The following CACNA2D3 variants were observed in gnomAD, a reference collection of about 807,000 sequenced individuals.
CACNA2D3 encodes the protein voltage-dependent calcium channel subunit alpha-2/delta-3.
A neutral mutation model predicts 160.6 loss-of-function variants in CACNA2D3; 60 were observed. That is an observed-to-expected ratio of 0.37 (90% CI 0.30 to 0.46). The LOEUF is 0.46. Ranked by LOEUF, CACNA2D3 falls within the 20% of genes least tolerant of loss-of-function variation. CACNA2D3 has a pLI of 1.00. For missense variants in CACNA2D3, 1,205 were observed against 1,365.0 expected (o/e 0.88, Z 1.85); for synonymous variants, 558 against 492.9 (o/e 1.13, Z -1.75).
intron 11 of CACNA2D3, among the ~76,000 whole-genome samples, chr3:54,663,870 T>G (rs540765042): frequency 1.6e-4 from 25 of 152,332 alleles, no homozygotes; most frequent in Admixed American, 1.1e-3. Flanking sequence ...CTCTCCTGCC[T>G]GTGTTTTCCC....
chr3:54,856,125 G>C (rs1392539310), intron 17 of CACNA2D3, among the ~76,000 whole-genome samples: 1 of 152,194 alleles, frequency 6.6e-6, no homozygotes, highest in Non-Finnish European at 1.5e-5. Context: ...TGTATATCCA[G>C]GGCCTGGTGA....
intron 5 of CACNA2D3, among the ~76,000 whole-genome samples, chr3:54,525,016 C>A (rs1364573141): frequency 6.6e-6 from 1 of 151,948 alleles, no homozygotes; most frequent in African/African-American, 2.4e-5. Flanking sequence ...GTTAGCATAG[C>A]ATATATTCAT....
intron 5 of CACNA2D3, among the ~76,000 whole-genome samples, chr3:54,544,223 A>G (rs1408661814): frequency 6.6e-6 from 1 of 152,196 alleles, no homozygotes; most frequent in Admixed American, 6.5e-5. Flanking sequence ...TGAATATTGA[A>G]TAACTTAATA....
intron 17 of CACNA2D3, among the ~76,000 whole-genome samples, chr3:54,865,914 A>G (rs996097973): frequency 2.0e-5 from 3 of 152,140 alleles, no homozygotes; most frequent in African/African-American, 7.2e-5. Context: ...TCTTACGGAT[A>G]AGGAAAATGA....
At chr3:55,067,255 G>A (rs1387190749) in intron 35 of CACNA2D3, among the ~76,000 whole-genome samples, 1 of 152,082 alleles carries the variant, frequency 6.6e-6, no homozygotes, top group South Asian at 2.1e-4. Flanking sequence ...TGATCACTCT[G>A]GGTCTGTCCT....
intron 11 of CACNA2D3, among the ~76,000 whole-genome samples, chr3:54,688,180 C>T (rs958093283): frequency 6.6e-6 from 1 of 152,072 alleles, no homozygotes; most frequent in Admixed American, 6.5e-5. Flanking sequence ...ACTCTTTGTC[C>T]CCAAGAGCAT....
chr3:54,901,024 T>C (rs1020016071), intron 27 of CACNA2D3: 5 of 152,244 alleles, frequency 3.3e-5, no homozygotes, highest in African/African-American at 1.2e-4. Flanking sequence ...CCAGGAGATA[T>C]GGGCTCTGAG....
intron 9 of CACNA2D3, among the ~76,000 whole-genome samples, chr3:54,626,961 G>A (rs964433877): frequency 3.3e-5 from 5 of 152,202 alleles, no homozygotes; most frequent in Non-Finnish European, 5.9e-5. Context: ...AGCTTCTGCA[G>A]AGCCAGAAGG....
intron 3 of CACNA2D3, among the ~76,000 whole-genome samples, chr3:54,357,263 T>C (rs1401395686): frequency 6.6e-6 from 1 of 152,228 alleles, no homozygotes; most frequent in East Asian, 1.9e-4. Flanking sequence ...ATTAGCTCTG[T>C]ACAAACTTAG....
rs142593368 is a variant in CACNA2D3, at chr3:54,628,571, G to A, written c.1053+695G>A. 3.0e-4 allele frequency among the ~76,000 whole-genome samples: 45 copies of A among 152,192 alleles called. No individual in the cohort carries two copies. The East Asian group carries it at 7.7e-3, about 26-fold the overall frequency. ...TTTAGAAGCAACCCTAGGAGGGCAAGGACAATAACAGGGAGGCCATTAAGT... is the reference window on the plus strand; with the variant it reads ...TTTAGAAGCAACCCTAGGAGGGCAAAGACAATAACAGGGAGGCCATTAAGT... On this transcript the variant is annotated intron_variant, in intron 10 of 37. Coordinates refer to ENST00000474759, the MANE Select transcript of CACNA2D3 (RefSeq NM_018398.3).
At position 54,859,771 on chromosome 3, in the gene CACNA2D3, G is replaced by C. The variant is rs939957883; in HGVS notation, c.1627-11768G>C. Among the ~76,000 whole-genome samples, 6 of 152,058 alleles carry C rather than the reference G, an allele frequency of 3.9e-5. No individual in the cohort carries two copies. The East Asian group carries it at 1.2e-3, about 29-fold the overall frequency. On this transcript the variant is annotated intron_variant, in intron 17 of 37. Transcript: ENST00000474759. The stretch of plus-strand genomic sequence containing the variant: ...AGGTCTTAAATTCCATGCTTTTGAT[G>C]CCTGTCTCTTCCTGGAAGGGCAAGG...
chr3:54,766,159 G>A (rs1037868590), intron 13 of CACNA2D3, among the ~76,000 whole-genome samples: 6 of 152,034 alleles, frequency 3.9e-5, no homozygotes, highest in African/African-American at 1.4e-4. Context: ...ACTTTTGTAA[G>A]CCAAAAACAC....
chr3:54,784,192 G>A (rs866718428), intron 13 of CACNA2D3, among the ~76,000 whole-genome samples: 1 of 152,208 alleles, frequency 6.6e-6, no homozygotes, highest in Non-Finnish European at 1.5e-5. Context: ...ACAAGCCAAG[G>A]TGTCCGGAAG....
intron 11 of CACNA2D3, among the ~76,000 whole-genome samples, chr3:54,658,976 C>G (rs540629256): frequency 6.6e-6 from 1 of 152,150 alleles, no homozygotes; most frequent in Non-Finnish European, 1.5e-5. Flanking sequence ...TGTTCCCTCT[C>G]TCTGGGGCAC....
chr3:54,875,879 CTG>C (rs1699647118), intron 18 of CACNA2D3, among the ~76,000 whole-genome samples: 2 of 152,170 alleles, frequency 1.3e-5, no homozygotes, highest in Non-Finnish European at 2.9e-5. Context: ...ATTGAGTACA[CTG>C]TGGTACAAGC....
At chr3:54,537,093 CAGAGAG>C (rs35469509) in intron 5 of CACNA2D3, among the ~76,000 whole-genome samples, 163 of 148,448 alleles carry the variant, frequency 1.1e-3, no homozygotes, top group South Asian at 6.1e-3. Context: ...GAAACCAAGG[CAGAGAG>C]AGAGAGAGAG....
At position 54,478,660 on chromosome 3, in the gene CACNA2D3, G is replaced by GTGTATATATATATATATTGCTATA; in HGVS notation, c.382-24831_382-24830insGTATATATATATATATTGCTATAT. On this transcript the variant is annotated intron_variant, in intron 4 of 37. Transcript: ENST00000474759. ...AAAATATATATATAAATATGTGTGTGTATATATATATATATATATTGCTTG... is the reference window on the plus strand; with the variant it reads ...AAAATATATATATAAATATGTGTGTGTGTATATATATATATATTGCTATATATATATATATATATATATTGCTTG... Among the ~76,000 whole-genome samples the GTGTATATATATATATATTGCTATA allele has an allele frequency of 7.4e-4, 27 of 36,378 alleles. 2 individuals carry two copies. The highest frequency in any genetic ancestry group is 7.0e-3 in the East Asian group (6 of 856). The allele number at this position is 36,378 out of a possible 152,430, so 23.9% of individuals were successfully genotyped here. A position where few individuals can be genotyped will look rare whatever the true frequency, so the allele number is the denominator to read the frequency against.
intron 27 of CACNA2D3, chr3:54,918,877 C>T: frequency 6.5e-7 from 1 of 1,545,080 alleles, no homozygotes; most frequent in Non-Finnish European, 8.7e-7. Context: ...ACAGATGATG[C>T]CGTCTGTTAG....
chr3:54,882,211 T>G (rs1444581801), intron 21 of CACNA2D3, among the ~76,000 whole-genome samples: 1 of 152,228 alleles, frequency 6.6e-6, no homozygotes, highest in Admixed American at 6.5e-5. Flanking sequence ...TGGACATCAC[T>G]GCCCATGAAG....
Sources: allele counts gnomAD v4.1 joint callset (sites outside exome capture counted in the v4.1 genomes callset), GRCh38; gene constraint gnomAD v4.1.1; transcripts MANE v1.5; gene names NCBI Gene and HGNC (gene_info 2026-07-23, HGNC 2026-07-21).